USP24: variants seen among roughly 807,000 people sequenced by gnomAD.
USP24 encodes ubiquitin specific peptidase 24.
Under a neutral mutation model 361.6 loss-of-function variants are expected in USP24, and 97 were observed. The observed-to-expected ratio is 0.27, with a 90% CI of 0.23 to 0.32. The LOEUF (loss-of-function observed/expected upper bound fraction) is 0.32, where lower values mean the gene tolerates loss of function less well. USP24 is among the 10% of genes least tolerant of loss of function. The pLI is 1.00. For synonymous variants in USP24, 1,098 were observed against 1,124.6 expected (o/e 0.98, Z 0.47); for missense variants, 2,353 against 3,165.6 (o/e 0.74, Z 6.16).
chr1:55,123,740 G>T, intron 35 of USP24, 138 bp from the exon 36 acceptor site: 1 of 834,536 alleles, frequency 1.2e-6, no homozygotes. Context: ...AAGCAAGAGA[G>T]ATTTAATACT....
At chr1:55,152,913 GA>G (rs1371766282) in intron 16 of USP24, among the ~76,000 whole-genome samples, 3 of 152,208 alleles carry the variant, frequency 2.0e-5, no homozygotes, top group Non-Finnish European at 4.4e-5. Context: ...ATATACCAAT[GA>G]AAATTAGTTG....
At chr1:55,206,391 C>T (rs951420492) in intron 1 of USP24, among the ~76,000 whole-genome samples, 1 of 151,990 alleles carries the variant, frequency 6.6e-6, no homozygotes, top group Non-Finnish European at 1.5e-5. Flanking sequence ...CCTTGAAGAA[C>T]GACTTAGTGT....
chr1:55,127,271 T>C (rs943222453), intron 32 of USP24, among the ~76,000 whole-genome samples: 38 of 152,166 alleles, frequency 2.5e-4, no homozygotes, highest in African/African-American at 8.7e-4. Context: ...CCTGTGTCCA[T>C]GTGTTCTCAT....
Position 55,215,201 on chromosome 1 carries a change from G to T in USP24, c.-88C>A. 1 of 1,098,508 alleles carries T rather than the reference G, an allele frequency of 9.1e-7. No homozygotes were observed. Among genetic ancestry groups the T allele is most frequent in the Non-Finnish European group, 1.1e-6 (1 of 878,098 alleles). 68.0% of individuals were successfully genotyped at this position (1,098,508 alleles called of 1,614,324 possible). ...GGCCGCGCGGCGCACCCTCCGCGCCGCCTCCGCGCCCAGGTTGGCCCCTGC... is the reference window on the plus strand; with the variant it reads ...GGCCGCGCGGCGCACCCTCCGCGCCTCCTCCGCGCCCAGGTTGGCCCCTGC... On this transcript the variant is annotated 5_prime_UTR_variant, in exon 1 of 68. Coordinates refer to ENST00000294383, the MANE Select transcript of USP24 (RefSeq NM_015306.3).
intron 5 of USP24, among the ~76,000 whole-genome samples, chr1:55,169,693 G>C (rs946827163): frequency 1.3e-5 from 2 of 152,118 alleles, no homozygotes; most frequent in African/African-American, 4.8e-5. Context: ...TGAGAGAAAA[G>C]AAATATCATC....
intron 10 of USP24, among the ~76,000 whole-genome samples, chr1:55,157,635 C>T (rs902873125): frequency 1.3e-5 from 2 of 152,010 alleles, no homozygotes; most frequent in Admixed American, 6.6e-5. Context: ...GAGTTTGAGA[C>T]CAGCCTGGCC....
At chr1:55,211,304 T>C (rs777443970) in intron 1 of USP24, among the ~76,000 whole-genome samples, 2 of 152,248 alleles carry the variant, frequency 1.3e-5, no homozygotes, top group Non-Finnish European at 2.9e-5. Flanking sequence ...GATTTTGAAG[T>C]AATGCTATTC....
chr1:55,168,017 T>A lies in USP24; in HGVS notation c.826-1414A>T, dbSNP rs944369105. Among the ~76,000 whole-genome samples, 6 of 152,114 alleles carry A rather than the reference T, an allele frequency of 3.9e-5. No individual in the cohort carries two copies. The South Asian group carries it at 8.3e-4, about 21-fold the overall frequency. Reference sequence around the variant, plus strand: ...CATCGGCATAAATATGACATTTAAATCCATTAGAGAAAGTGTAGTGAATAA... The same window carrying A: ...CATCGGCATAAATATGACATTTAAAACCATTAGAGAAAGTGTAGTGAATAA... On this transcript the variant is annotated intron_variant, in intron 5 of 67. Coordinates refer to ENST00000294383, the MANE Select transcript of USP24 (RefSeq NM_015306.3).
chr1:55,148,653 A>AGG (rs1647107323), intron 16 of USP24, 83 bp from the exon 17 acceptor site: 1 of 1,028,834 alleles, frequency 9.7e-7, no homozygotes, highest in South Asian at 1.5e-5. Flanking sequence ...TTTCAAGTCA[A>AGG]TCAGGTTTAC....
intron 1 of USP24, among the ~76,000 whole-genome samples, chr1:55,195,673 C>T (rs1459821668): frequency 6.6e-6 from 1 of 152,160 alleles, no homozygotes; most frequent in Admixed American, 6.5e-5. Context: ...GGACATCATG[C>T]TTAGTGAAAT....
At chr1:55,184,428 T>C (rs1038281041) in intron 1 of USP24, among the ~76,000 whole-genome samples, 1 of 152,058 alleles carries the variant, frequency 6.6e-6, no homozygotes, top group African/African-American at 2.4e-5. Context: ...CACATAAGCA[T>C]CTAACAACAG....
intron 18 of USP24, among the ~76,000 whole-genome samples, chr1:55,147,394 A>T (rs555777245): frequency 2.6e-5 from 4 of 152,296 alleles, no homozygotes; most frequent in African/African-American, 9.6e-5. Flanking sequence ...TAATCAATTG[A>T]TTTGAAAAAC....
At position 55,071,947 on chromosome 1, in the gene USP24, A is replaced by G. The variant is rs868200456; in HGVS notation, c.7690-23T>C. On this transcript the variant is annotated intron_variant, in intron 66 of 67. Transcript: ENST00000294383. ...GTCCTGCAGAAGATTCAAACACAAGACGACAAAGTTAGGGCCCATTCAGTG... is the reference window on the plus strand; with the variant it reads ...GTCCTGCAGAAGATTCAAACACAAGGCGACAAAGTTAGGGCCCATTCAGTG... 6.3e-6 allele frequency: 10 copies of G among 1,586,198 alleles called. No individual in the cohort carries two copies. In the Middle Eastern group the frequency reaches 5.0e-4, roughly 79 times the overall value.
intron 3 of USP24, among the ~76,000 whole-genome samples, chr1:55,175,876 C>T (rs1024343889): frequency 1.3e-5 from 2 of 152,218 alleles, no homozygotes; most frequent in African/African-American, 2.4e-5. Flanking sequence ...GTAGGCATAT[C>T]ACTCTGGCTC....
At chr1:55,083,559 A>G in intron 57 of USP24, among the ~76,000 whole-genome samples, 195 bp from the exon 58 acceptor site, 1 of 151,366 alleles carries the variant, frequency 6.6e-6, no homozygotes, top group African/African-American at 2.5e-5. Context: ...CTACTAAACA[A>G]TTAACCCCTA....
chr1:55,100,444 C>G (rs1398394891), intron 44 of USP24, among the ~76,000 whole-genome samples: 1 of 148,594 alleles, frequency 6.7e-6, no homozygotes, highest in Non-Finnish European at 1.5e-5. Context: ...TGTGGTGAGC[C>G]AAGATTGCGC....
At chr1:55,085,821 G>T in intron 56 of USP24, 121 bp downstream of exon 56, 2 of 920,028 alleles carry the variant, frequency 2.2e-6, no homozygotes, top group Non-Finnish European at 3.3e-6. Context: ...TCAGTTCACA[G>T]AAGGTGTATT....
chr1:55,138,549 T>C (rs1376664150), intron 26 of USP24, 59 bp downstream of exon 26: 3 of 1,271,688 alleles, frequency 2.4e-6, no homozygotes, highest in Non-Finnish European at 3.3e-6. Context: ...CAATCAAGAC[T>C]GCTTTATGAA....
chr1:55,077,176 A>T (rs1645046368), intron 62 of USP24, 59 bp downstream of exon 62: 4 of 1,340,998 alleles, frequency 3.0e-6, no homozygotes, highest in Non-Finnish European at 4.0e-6. Context: ...TTTTATTTAT[A>T]AACACTTGTT....
Sources: allele counts gnomAD v4.1 joint callset (sites outside exome capture counted in the v4.1 genomes callset), GRCh38; gene constraint gnomAD v4.1.1; transcripts MANE v1.5; gene names NCBI Gene and HGNC (gene_info 2026-07-23, HGNC 2026-07-21).